KCNN3: variants seen among roughly 807,000 people sequenced by gnomAD.
KCNN3 encodes the protein potassium calcium-activated channel subfamily N member 3, also known as small conductance calcium-activated potassium channel protein 3.
A neutral mutation model predicts 62.9 loss-of-function variants in KCNN3; 16 were observed. That is an observed-to-expected ratio of 0.25 (90% CI 0.17 to 0.39). The LOEUF (loss-of-function observed/expected upper bound fraction) is 0.39. Ranked by LOEUF, KCNN3 falls within the 10% of genes least tolerant of loss-of-function variation. KCNN3 has a pLI of 1.00. For synonymous variants in KCNN3, 370 were observed against 389.2 expected (o/e 0.95, Z 0.58); for missense variants, 599 against 949.4 (o/e 0.63, Z 4.85).
At chr1:154,808,378 C>T (rs1345432260) in intron 2 of KCNN3, among the ~76,000 whole-genome samples, 1 of 152,124 alleles carries the variant, frequency 6.6e-6, no homozygotes, top group Non-Finnish European at 1.5e-5. Flanking sequence ...CCCTAGAGGA[C>T]CCTCGACCCA....
intron 2 of KCNN3, among the ~76,000 whole-genome samples, chr1:154,821,441 C>A (rs1354963962): frequency 6.6e-6 from 1 of 152,192 alleles, no homozygotes; most frequent in African/African-American, 2.4e-5. Context: ...CCCTCCTGGC[C>A]CGGGTTGAAC....
chr1:154,749,082 G>C (rs542383911), intron 3 of KCNN3, among the ~76,000 whole-genome samples: 1 of 152,168 alleles, frequency 6.6e-6, no homozygotes, highest in Non-Finnish European at 1.5e-5. Context: ...AGAGACTGGT[G>C]GGGATTCTCT....
Position 154,706,503 on chromosome 1 carries a change from T to C in KCNN3, c.*1473A>G, listed in dbSNP as rs1699968271. ...TCAGATTATGGAGCAATGAAAACAT[T>C]TTTCTGCGCCGCTCATTACACTAAA... is the stretch of plus-strand genomic sequence containing the variant. On this transcript the variant is annotated 3_prime_UTR_variant, in exon 8 of 8. Coordinates refer to ENST00000271915, the MANE Select transcript of KCNN3 (RefSeq NM_002249.6). The C allele has an allele frequency of 6.6e-6, 1 of 152,180 alleles. No homozygotes were observed. The highest frequency in any genetic ancestry group is 1.5e-5 in the Non-Finnish European group (1 of 68,028). The allele number at this position is 152,180 out of a possible 1,614,324, so 9.4% of individuals were successfully genotyped here. A position where few individuals can be genotyped will look rare whatever the true frequency, so the allele number is the denominator to read the frequency against.
chr1:154,815,172 A>C (rs533091251), intron 2 of KCNN3, among the ~76,000 whole-genome samples: 3 of 152,182 alleles, frequency 2.0e-5, no homozygotes, highest in African/African-American at 7.2e-5. Context: ...TCGGAGGTTC[A>C]ATGAAGGTAT....
intron 7 of KCNN3, among the ~76,000 whole-genome samples, chr1:154,708,973 A>C (rs1700020998): frequency 6.6e-6 from 1 of 152,036 alleles, no homozygotes; most frequent in South Asian, 2.1e-4. Context: ...GCCACTCTGA[A>C]GGGCTGAGGT....
chr1:154,836,064 C>T (rs1021074755), intron 1 of KCNN3, among the ~76,000 whole-genome samples: 1 of 152,182 alleles, frequency 6.6e-6, no homozygotes, highest in African/African-American at 2.4e-5. Flanking sequence ...GCACCTGACG[C>T]ATGTCTGCCA....
rs1699996017 is a variant in KCNN3 at position 154,707,965 on chromosome 1, G to A, written c.*11C>T. 10 of 1,612,820 alleles carry A rather than the reference G, an allele frequency of 6.2e-6. No homozygotes were observed. The East Asian group carries it at 2.2e-4, about 36-fold the overall frequency. ...ACCTATGGGTAATGCTTCTGGAGTG[G>A]GGAGATTTATTTAGCAACTGCTTGA... On this transcript the variant is annotated 3_prime_UTR_variant, in exon 8 of 8. Coordinates refer to ENST00000271915, the MANE Select transcript of KCNN3 (RefSeq NM_002249.6).
At chr1:154,761,199 G>A (rs967566938) in intron 3 of KCNN3, among the ~76,000 whole-genome samples, 1 of 152,208 alleles carries the variant, frequency 6.6e-6, no homozygotes, top group Non-Finnish European at 1.5e-5. Flanking sequence ...ATGTTTACAT[G>A]TATGAAAATC....
intron 3 of KCNN3, among the ~76,000 whole-genome samples, chr1:154,733,935 G>A (rs1286827828): frequency 2.6e-5 from 4 of 152,238 alleles, no homozygotes; most frequent in African/African-American, 9.6e-5. Context: ...GCCCAAGAGA[G>A]GGGTTTGCCA....
At chr1:154,781,693 G>C (rs1016865942) in intron 2 of KCNN3, among the ~76,000 whole-genome samples, 2 of 152,172 alleles carry the variant, frequency 1.3e-5, no homozygotes, top group Non-Finnish European at 2.9e-5. Flanking sequence ...AGAGGTGCTC[G>C]ATGCACAGGC....
chr1:154,785,642 G>T (rs1649251027), intron 2 of KCNN3, among the ~76,000 whole-genome samples: 1 of 141,854 alleles, frequency 7.0e-6, no homozygotes, highest in Non-Finnish European at 1.5e-5. Context: ...GAGTACAGTG[G>T]CACGATTATG....
At chr1:154,726,193 G>A (rs942073439) in intron 4 of KCNN3, among the ~76,000 whole-genome samples, 167 bp from the exon 5 acceptor site, 1 of 152,192 alleles carries the variant, frequency 6.6e-6, no homozygotes, top group African/African-American at 2.4e-5. Flanking sequence ...GTTGAAATCT[G>A]TCAGGACTCT....
Position 154,870,202 on chromosome 1 carries a change from G to A in KCNN3, c.-238C>T. 1 of 690,048 alleles carries A rather than the reference G, an allele frequency of 1.4e-6. No individual in the cohort carries two copies. The highest frequency in any genetic ancestry group is 2.7e-6 in the Non-Finnish European group (1 of 376,968). The allele number at this position is 690,048 out of a possible 1,614,324, so 42.7% of individuals were successfully genotyped here. On this transcript the variant is annotated 5_prime_UTR_variant, in exon 1 of 8. Transcript: ENST00000271915. ...GGAGGGGAGCTTGGAGAAAGAAGAGGGGGTGAAAGAACTCTCTCAGGAGGT... is the reference window on the plus strand; with the variant it reads ...GGAGGGGAGCTTGGAGAAAGAAGAGAGGGTGAAAGAACTCTCTCAGGAGGT...
At chr1:154,747,670 T>A (rs943569146) in intron 3 of KCNN3, among the ~76,000 whole-genome samples, 1 of 152,196 alleles carries the variant, frequency 6.6e-6, no homozygotes, top group Admixed American at 6.5e-5. Context: ...GCTGTCTGAA[T>A]ATCATCTCTC....
intron 3 of KCNN3, among the ~76,000 whole-genome samples, chr1:154,737,758 A>C (rs1285586612): frequency 6.6e-6 from 1 of 152,140 alleles, no homozygotes; most frequent in Non-Finnish European, 1.5e-5. Flanking sequence ...AAAGAATGAA[A>C]ATGAAAGAAA....
intron 3 of KCNN3, among the ~76,000 whole-genome samples, chr1:154,740,282 T>TA (rs112761509): frequency 1.3e-5 from 2 of 152,196 alleles, no homozygotes; most frequent in Admixed American, 1.3e-4. Flanking sequence ...TTTATTGACT[T>TA]ATTGTTATTG....
At chr1:154,777,085 A>C (rs934433482) in intron 2 of KCNN3, among the ~76,000 whole-genome samples, 3 of 152,208 alleles carry the variant, frequency 2.0e-5, no homozygotes, top group Admixed American at 2.0e-4. Flanking sequence ...ACTCCCACTT[A>C]CTGCGTGCCC....
At chr1:154,856,410 T>C (rs1456569423) in intron 1 of KCNN3, among the ~76,000 whole-genome samples, 5 of 152,210 alleles carry the variant, frequency 3.3e-5, no homozygotes, top group African/African-American at 1.2e-4. Context: ...CCCCGCCAGC[T>C]GGAATAGCGT....
intron 2 of KCNN3, among the ~76,000 whole-genome samples, chr1:154,821,885 A>G (rs547069948): frequency 6.6e-6 from 1 of 152,356 alleles, no homozygotes; most frequent in East Asian, 1.9e-4. Flanking sequence ...CTTAACAGTT[A>G]TTCGAAAGCC....
Sources: allele counts gnomAD v4.1 joint callset (sites outside exome capture counted in the v4.1 genomes callset), GRCh38; gene constraint gnomAD v4.1.1; transcripts MANE v1.5; gene names NCBI Gene and HGNC (gene_info 2026-07-23, HGNC 2026-07-21).